The following DCAF8L2 variants were observed in gnomAD, a reference collection of about 807,000 sequenced individuals.
The protein encoded by DCAF8L2 is DDB1 and CUL4 associated factor 8 like 2, also known as DDB1- and CUL4-associated factor 8-like protein 2.
For missense variants in DCAF8L2, 430 were observed against 490.7 expected, an observed-to-expected ratio of 0.88 and a Z score of 1.17; for synonymous variants, 200 against 190.9, an observed-to-expected ratio of 1.05 and a Z score of -0.39.
At chrX:27,693,197 T>C (rs900054987) in intron 3 of DCAF8L2, among the ~76,000 whole-genome samples, 1 of 111,381 alleles carries the variant, frequency 9.0e-6, no homozygotes, top group Non-Finnish European at 1.9e-5. Flanking sequence ...TTAAAATTAA[T>C]GGACATTAAA....
chrX:27,568,856 G>A, the DCAF8L2 span, among the ~76,000 whole-genome samples: 1 of 102,954 alleles, frequency 9.7e-6, no homozygotes, highest in African/African-American at 3.6e-5. Flanking sequence ...GGTGTGTGAT[G>A]TTCCCCTTCC....
chrX:27,606,178 C>T (rs1926860052), intron 1 of DCAF8L2, among the ~76,000 whole-genome samples: 2 of 98,246 alleles, frequency 2.0e-5, no homozygotes, highest in African/African-American at 7.6e-5. Context: ...GAAGGCGGAC[C>T]TTGAGAAGTT....
the DCAF8L2 span, among the ~76,000 whole-genome samples, chrX:27,584,371 A>G: frequency 1.8e-5 from 2 of 110,405 alleles, no homozygotes; most frequent in Admixed American, 2.0e-4. Flanking sequence ...ATTGAATCCC[A>G]TTATTATTCA....
intron 4 of DCAF8L2, among the ~76,000 whole-genome samples, chrX:27,726,870 A>T (rs1182020028): frequency 8.9e-6 from 1 of 111,908 alleles, no homozygotes; most frequent in Non-Finnish European, 1.9e-5. Context: ...TGATTGTATG[A>T]ACATTCTTTC....
chrX:27,625,517 C>A (rs754615817), intron 1 of DCAF8L2, among the ~76,000 whole-genome samples: 4 of 111,550 alleles, frequency 3.6e-5, no homozygotes, highest in Non-Finnish European at 7.5e-5. Flanking sequence ...GAGTATGTAC[C>A]CAAAGGAATA....
the DCAF8L2 span, among the ~76,000 whole-genome samples, chrX:27,529,304 T>C: frequency 1.8e-5 from 2 of 111,231 alleles, no homozygotes; most frequent in African/African-American, 6.5e-5. Flanking sequence ...TAGCCTACAT[T>C]CAAGACAGTG....
chrX:27,685,223 G>A (rs1404522316), intron 3 of DCAF8L2, among the ~76,000 whole-genome samples: 2 of 111,677 alleles, frequency 1.8e-5, no homozygotes, highest in African/African-American at 3.3e-5. Context: ...AAAAATAATC[G>A]AGGTGGGAAA....
At chrX:27,539,964 G>A in the DCAF8L2 span, among the ~76,000 whole-genome samples, 1 of 110,288 alleles carries the variant, frequency 9.1e-6, no homozygotes, top group African/African-American at 3.3e-5. Flanking sequence ...TCTGCTTGCA[G>A]TTGCTTTCAT....
intron 1 of DCAF8L2, among the ~76,000 whole-genome samples, chrX:27,606,324 A>AAT (rs1246861077): frequency 7.0e-5 from 5 of 71,405 alleles, no homozygotes; most frequent in African/African-American, 2.7e-4. Context: ...TATAGGAATT[A>AAT]TATATATATA....
At chrX:27,530,093 A>G in the DCAF8L2 span, among the ~76,000 whole-genome samples, 1 of 111,733 alleles carries the variant, frequency 8.9e-6, no homozygotes, top group African/African-American at 3.3e-5. Context: ...ATTTTATATG[A>G]AAAGAAAGCA....
At chrX:27,529,971 T>A in the DCAF8L2 span, among the ~76,000 whole-genome samples, 2 of 111,680 alleles carry the variant, frequency 1.8e-5, no homozygotes, top group African/African-American at 6.5e-5. Context: ...AAAAAATGGG[T>A]GTGACCATTG....
intron 1 of DCAF8L2, among the ~76,000 whole-genome samples, chrX:27,609,830 C>T (rs1194002258): frequency 1.2e-4 from 13 of 111,820 alleles, no homozygotes; most frequent in East Asian, 2.8e-4. Context: ...CACAGCTAAA[C>T]TTTAATTATG....
intron 3 of DCAF8L2, among the ~76,000 whole-genome samples, chrX:27,697,633 A>G (rs1295161953): frequency 9.0e-6 from 1 of 111,518 alleles, no homozygotes; most frequent in Non-Finnish European, 1.9e-5. Context: ...ACACAATTAA[A>G]TATTAGCTAT....
chrX:27,669,565 T>C (rs1929869114), intron 2 of DCAF8L2, among the ~76,000 whole-genome samples: 1 of 110,082 alleles, frequency 9.1e-6, no homozygotes, highest in Non-Finnish European at 1.9e-5. Flanking sequence ...CATGTTAGTG[T>C]GCTGCACCCA....
At chrX:27,534,992 T>C in the DCAF8L2 span, among the ~76,000 whole-genome samples, 1 of 112,099 alleles carries the variant, frequency 8.9e-6, no homozygotes, top group African/African-American at 3.2e-5. Context: ...CATCAGTCAC[T>C]GCAGTAAAAA....
the DCAF8L2 span, among the ~76,000 whole-genome samples, chrX:27,550,732 T>C: frequency 9.0e-6 from 1 of 110,545 alleles, no homozygotes; most frequent in African/African-American, 3.3e-5. Context: ...ATTCTCTACT[T>C]CTGTGAGATT....
upstream of DCAF8L2, among the ~76,000 whole-genome samples, chrX:27,586,767 G>A (rs1925912219): frequency 9.0e-6 from 1 of 110,668 alleles, no homozygotes; most frequent in African/African-American, 3.3e-5. Flanking sequence ...GTTTTAGATG[G>A]TTTAAATTCC....
chrX:27,735,340 G>A (rs1921458955), intron 4 of DCAF8L2, among the ~76,000 whole-genome samples: 1 of 111,621 alleles, frequency 9.0e-6, no homozygotes, highest in African/African-American at 3.3e-5. Context: ...TAAAGGATAT[G>A]AGAACTAAAT....
At chrX:27,641,990 G>A (rs1192030601) in intron 2 of DCAF8L2, among the ~76,000 whole-genome samples, 2 of 109,428 alleles carry the variant, frequency 1.8e-5, no homozygotes, top group African/African-American at 6.7e-5. Flanking sequence ...CCGGATTCAC[G>A]CCATTCTCCT....
Sources: gnomAD v4.1 joint callset for allele counts (sites outside exome capture counted in the v4.1 genomes callset) on GRCh38, gnomAD v4.1.1 for gene constraint, MANE v1.5 for transcripts, NCBI Gene and HGNC (gene_info 2026-07-23, HGNC 2026-07-21) for gene names.